NELL1: variants seen among roughly 807,000 people sequenced by gnomAD.
The protein encoded by NELL1 is neural EGFL like 1.
NELL1 carries 76 observed loss-of-function variants against 107.4 expected under a neutral mutation model. That is an observed-to-expected ratio of 0.71 (90% CI 0.59 to 0.86). NELL1 has a LOEUF of 0.86. Among genes scored for constraint, NELL1 ranks in the 40% least tolerant of loss-of-function variants. The probability of loss-of-function intolerance (pLI) is 0.00; values close to 1 mark genes in which losing one functional copy is unlikely to be tolerated. For missense variants in NELL1, 1,024 were observed against 1,005.5 expected (o/e 1.02, Z -0.25); for synonymous variants, 353 against 341.2 (o/e 1.03, Z -0.38).
intron 12 of NELL1, among the ~76,000 whole-genome samples, chr11:21,111,240 G>A (rs1434217401): frequency 1.3e-5 from 2 of 152,038 alleles, no homozygotes; most frequent in South Asian, 2.1e-4. Context: ...CTGTCTGCGA[G>A]GTCTATGTGG....
chr11:21,519,185 T>G (rs1855648295), intron 15 of NELL1, among the ~76,000 whole-genome samples: 1 of 152,192 alleles, frequency 6.6e-6, no homozygotes, highest in African/African-American at 2.4e-5. Context: ...AGCAGACTTC[T>G]CCTTACTTCT....
chr11:21,489,740 G>C (rs866475735), intron 15 of NELL1, among the ~76,000 whole-genome samples: 5 of 152,104 alleles, frequency 3.3e-5, no homozygotes, highest in South Asian at 4.1e-4. Flanking sequence ...TTGATAAAAT[G>C]TAACATCCCT....
chr11:21,003,841 A>G (rs936649731), intron 12 of NELL1, among the ~76,000 whole-genome samples: 1 of 152,210 alleles, frequency 6.6e-6, no homozygotes, highest in Middle Eastern at 3.4e-3. Context: ...TTATCCATAA[A>G]TTATTGAAGT....
intron 2 of NELL1, among the ~76,000 whole-genome samples, chr11:20,751,512 T>G (rs1375987957): frequency 6.6e-6 from 1 of 152,166 alleles, no homozygotes; most frequent in Non-Finnish European, 1.5e-5. Flanking sequence ...GGTCTCACTC[T>G]GTTGCCCAGG....
At position 20,675,709 on chromosome 11, in the gene NELL1, G is replaced by A. The variant is rs1014295753; in HGVS notation, c.56-2223G>A. 8.5e-5 allele frequency among the ~76,000 whole-genome samples: 13 copies of A among 152,184 alleles called. No individual in the cohort carries two copies. The South Asian group carries it at 2.7e-3, about 32-fold the overall frequency. On this transcript the variant is annotated intron_variant, in intron 1 of 19. Coordinates refer to ENST00000357134, the MANE Select transcript of NELL1 (RefSeq NM_006157.5). ...TTAGAATAACATCCAAGCTCCTTTTGGGTCACAGGGCTTATATGATCTGGC... is the reference window on the plus strand; with the variant it reads ...TTAGAATAACATCCAAGCTCCTTTTAGGTCACAGGGCTTATATGATCTGGC...
At chr11:21,166,048 C>G (rs1856474463) in intron 13 of NELL1, among the ~76,000 whole-genome samples, 1 of 151,706 alleles carries the variant, frequency 6.6e-6, no homozygotes, top group African/African-American at 2.4e-5. Context: ...AGCCACCGTG[C>G]CTGGCCCAAG....
chr11:21,319,516 ATT>A (rs574077859), intron 14 of NELL1, among the ~76,000 whole-genome samples: 13 of 120,328 alleles, frequency 1.1e-4, no homozygotes, highest in East Asian at 4.7e-4. Flanking sequence ...ATATATATAT[ATT>A]TTTAGTAGAG....
rs1565160436 is a variant in NELL1 at position 21,309,285 on chromosome 11, T to TATATATATATGTATATATATATA, written c.1550-61558_1550-61557insGTATATATATATAATATATATAT. Among the ~76,000 whole-genome samples the TATATATATATGTATATATATATA allele has an allele frequency of 3.5e-4, 24 of 68,112 alleles. 1 individual carries two copies. Among genetic ancestry groups the TATATATATATGTATATATATATA allele is most frequent in the South Asian group, 1.7e-3 (2 of 1,172 alleles). The allele number at this position is 68,112 out of a possible 152,430, so 44.7% of individuals were successfully genotyped here. ...GTATATATATATATATATATGTATA[T>TATATATATATGTATATATATATA]ATATATATATATATGTATATATATA... On this transcript the variant is annotated intron_variant, in intron 14 of 19. Coordinates refer to ENST00000357134, the MANE Select transcript of NELL1 (RefSeq NM_006157.5).
At chr11:21,366,598 C>T (rs1851228887) in intron 14 of NELL1, among the ~76,000 whole-genome samples, 1 of 152,128 alleles carries the variant, frequency 6.6e-6, no homozygotes, top group South Asian at 2.1e-4. Flanking sequence ...CTGCCTCTTC[C>T]ACTTGAGCAG....
At chr11:20,902,329 C>T (rs1590397858) in intron 5 of NELL1, among the ~76,000 whole-genome samples, 1 of 151,694 alleles carries the variant, frequency 6.6e-6, no homozygotes, top group Non-Finnish European at 1.5e-5. Context: ...GGATGGTTTT[C>T]CAAAGTAGAA....
chr11:20,849,713 A>G (rs1479732767), intron 4 of NELL1, among the ~76,000 whole-genome samples: 1 of 152,220 alleles, frequency 6.6e-6, no homozygotes, highest in Admixed American at 6.5e-5. Context: ...TCTAAACACA[A>G]ATACATTTTT....
intron 15 of NELL1, among the ~76,000 whole-genome samples, chr11:21,530,044 C>T (rs1296978736): frequency 2.6e-5 from 4 of 152,148 alleles, no homozygotes; most frequent in Non-Finnish European, 5.9e-5. Flanking sequence ...GAGACCTTAT[C>T]TCTCTATGTC....
intron 13 of NELL1, among the ~76,000 whole-genome samples, chr11:21,119,869 T>A (rs1173273813): frequency 6.6e-6 from 1 of 152,134 alleles, no homozygotes; most frequent in Non-Finnish European, 1.5e-5. Flanking sequence ...TGTTTCTGGC[T>A]GTTTGATAAG....
intron 2 of NELL1, among the ~76,000 whole-genome samples, chr11:20,714,294 C>G (rs1855186717): frequency 6.8e-6 from 1 of 146,342 alleles, no homozygotes; most frequent in Non-Finnish European, 1.5e-5. Flanking sequence ...ACCTCTACCT[C>G]CCAGGCTCAA....
At chr11:20,854,654 T>A (rs1340360148) in intron 4 of NELL1, among the ~76,000 whole-genome samples, 2 of 152,210 alleles carry the variant, frequency 1.3e-5, no homozygotes, top group African/African-American at 4.8e-5. Context: ...CCTTTTCTTC[T>A]CTCCACCTTG....
At position 21,027,007 on chromosome 11, in the gene NELL1, C is replaced by T. The variant is rs1332475347; in HGVS notation, c.1300+66447C>T. 2.6e-5 allele frequency among the ~76,000 whole-genome samples: 4 copies of T among 152,056 alleles called. No individual in the cohort carries two copies. The South Asian group carries it at 6.2e-4, about 24-fold the overall frequency. ...TGGGCTATGACATGGCATTTCCCAG[C>T]ATCCTGGGAAAGATTAACAAGCATT... is the stretch of plus-strand genomic sequence containing the variant. On this transcript the variant is annotated intron_variant, in intron 12 of 19. Transcript: ENST00000357134.
At chr11:21,426,951 A>G (rs1000053303) in intron 15 of NELL1, among the ~76,000 whole-genome samples, 9 of 152,160 alleles carry the variant, frequency 5.9e-5, no homozygotes, top group African/African-American at 2.2e-4. Flanking sequence ...AGAAGGCTTC[A>G]GGAGTGGAAC....
At chr11:20,811,637 T>G (rs1432526611) in intron 3 of NELL1, among the ~76,000 whole-genome samples, 2 of 152,132 alleles carry the variant, frequency 1.3e-5, no homozygotes, top group Non-Finnish European at 2.9e-5. Flanking sequence ...ATAGTTTTCA[T>G]TGTAGAGTTC....
intron 2 of NELL1, among the ~76,000 whole-genome samples, chr11:20,682,444 A>T (rs993618257): frequency 6.6e-6 from 1 of 152,060 alleles, no homozygotes; most frequent in African/African-American, 2.4e-5. Context: ...CTTAAAACAC[A>T]TTCCGATTTG....
Sources: allele counts gnomAD v4.1 joint callset (sites outside exome capture counted in the v4.1 genomes callset), GRCh38; gene constraint gnomAD v4.1.1; transcripts MANE v1.5; gene names NCBI Gene and HGNC (gene_info 2026-07-23, HGNC 2026-07-21).